The following NLRP1 variants were observed in gnomAD, a reference collection of about 807,000 sequenced individuals.
NLRP1 encodes NLR family pyrin domain containing 1.
A neutral mutation model predicts 136.7 loss-of-function variants in NLRP1; 94 were observed. The observed-to-expected ratio is 0.69, with a 90% CI of 0.58 to 0.82. The LOEUF is 0.82. Among genes scored for constraint, NLRP1 ranks in the 40% least tolerant of loss-of-function variants. NLRP1 has a pLI of 0.00. For synonymous variants in NLRP1, 690 were observed against 725.1 expected, an observed-to-expected ratio of 0.95 and a Z score of 0.78; for missense variants, 1,575 against 1,802.7, an observed-to-expected ratio of 0.87 and a Z score of 2.29.
At chr17:5,574,811 G>A (rs1167218808) in intron 3 of NLRP1, among the ~76,000 whole-genome samples, 6 of 151,774 alleles carry the variant, frequency 4.0e-5, no homozygotes, top group East Asian at 3.9e-4. Flanking sequence ...ATAGGTGCCC[G>A]CCATCACGCC....
chr17:5,542,159 G>A (rs1911947658), intron 5 of NLRP1, 132 bp from the exon 6 acceptor site: 2 of 767,092 alleles, frequency 2.6e-6, no homozygotes, highest in Non-Finnish European at 4.2e-6. Context: ...ACCCTCCCAG[G>A]CCCCAGAAAT....
chr17:5,531,059 TAAC>T (rs1342781121), intron 11 of NLRP1, among the ~76,000 whole-genome samples: 1 of 152,182 alleles, frequency 6.6e-6, no homozygotes, highest in East Asian at 1.9e-4. Flanking sequence ...AATGATGAAA[TAAC>T]AAGTGTTCGT....
intron 11 of NLRP1, among the ~76,000 whole-genome samples, chr17:5,531,093 G>A (rs1910176223): frequency 6.6e-6 from 1 of 152,102 alleles, no homozygotes. Flanking sequence ...GGCCTATTTA[G>A]CAATAATTAA....
rs1017820157 is a variant in NLRP1 at position 5,559,030 on chromosome 17, C to T, written c.1666G>A (p.Ala556Thr). 1 of 1,614,068 alleles carries T rather than the reference C, an allele frequency of 6.2e-7. No homozygotes were observed. Among genetic ancestry groups the T allele is most frequent in the Non-Finnish European group, 8.5e-7 (1 of 1,180,016 alleles). Residue 556 changes from alanine to threonine, a missense_variant, in exon 4 of 17, where the codon GCC (alanine) becomes ACC (threonine). Transcript: ENST00000572272. ...AATGGCTGAGCTTGGAGAGCCTGGG[C>T]AAGGTAATGTAGACAGAGGGTTGTG... is the stretch of plus-strand genomic sequence containing the variant. ...TTTTLCLHYL[A>T]QALQAQPLGP...
chr17:5,515,197 C>T, intron 16 of NLRP1, 124 bp from the exon 17 acceptor site: 2 of 958,308 alleles, frequency 2.1e-6, no homozygotes, highest in Middle Eastern at 2.4e-4. Flanking sequence ...CCTGTGTCCT[C>T]CCTCATGGCA....
chr17:5,548,196 C>T lies in NLRP1; in HGVS notation c.2528+5190G>A, dbSNP rs573558773. Among the ~76,000 whole-genome samples, 11 of 152,306 alleles carry T rather than the reference C, an allele frequency of 7.2e-5. No homozygotes were observed. The South Asian group carries it at 2.3e-3, about 32-fold the overall frequency. On this transcript the variant is annotated intron_variant, in intron 5 of 16. Transcript: ENST00000572272. ...CTTGCCTTTTCCAAACATCCAACACCTCAACCCTCACACTCACTCCTAGCA... is the reference window on the plus strand; with the variant it reads ...CTTGCCTTTTCCAAACATCCAACACTTCAACCCTCACACTCACTCCTAGCA...
chr17:5,521,408 C>T, intron 13 of NLRP1, 116 bp downstream of exon 13: 1 of 1,091,768 alleles, frequency 9.2e-7, no homozygotes, highest in East Asian at 2.4e-5. Context: ...CAAGGTTCTC[C>T]TGTACAAGAG....
intron 12 of NLRP1, among the ~76,000 whole-genome samples, chr17:5,526,928 C>T (rs1012649387): frequency 5.9e-5 from 9 of 152,180 alleles, no homozygotes; most frequent in Non-Finnish European, 8.8e-5. Context: ...ACTCATCACC[C>T]GTTCAGCGAC....
At chr17:5,530,789 G>C (rs1910139215) in intron 11 of NLRP1, 85 bp from the exon 12 acceptor site, 21 of 1,028,384 alleles carry the variant, frequency 2.0e-5, no homozygotes, top group South Asian at 1.9e-4. Flanking sequence ...AGGGGCTTGC[G>C]GATACGGTAC....
At chr17:5,520,733 G>T in intron 14 of NLRP1, 148 bp downstream of exon 14, 1 of 702,730 alleles carries the variant, frequency 1.4e-6, no homozygotes, top group Non-Finnish European at 2.2e-6. Context: ...AGTCTTGGAA[G>T]CATTCCCACT....
intron 6 of NLRP1, among the ~76,000 whole-genome samples, chr17:5,540,680 T>C (rs1911755845): frequency 6.6e-6 from 1 of 152,184 alleles, no homozygotes. Context: ...GGATTAAATC[T>C]GACAAGTGTT....
chr17:5,581,005 GGC>G (rs1905578496), intron 3 of NLRP1, among the ~76,000 whole-genome samples: 1 of 152,086 alleles, frequency 6.6e-6, no homozygotes, highest in African/African-American at 2.4e-5. Context: ...TTTTTTGAAT[GGC>G]AAGTGGTGTG....
downstream of NLRP1, chr17:5,512,434 G>A (rs546924328): frequency 1.6e-3 from 1,285 of 810,610 alleles, 8 homozygotes; most frequent in Middle Eastern, 9.9e-3. Flanking sequence ...AGGGCAATCC[G>A]CAATTCCACG....
rs1006424370 is a variant in NLRP1 at position 5,583,805 on chromosome 17, C to T, written c.153G>A (p.Met51Ile). ...GAGCCACCAGGTACGAGGCCACCTCCATGCCACTCGTCTTCTCTGGCTGAG... is the reference window on the plus strand; with the variant it reads ...GAGCCACCAGGTACGAGGCCACCTCTATGCCACTCGTCTTCTCTGGCTGAG... ...TPAQPEKTSG[M>I]EVASYLVAQY... is the part of the protein sequence containing the mutation. The change falls in exon 1 of 17, where the codon ATG (methionine) becomes ATA (isoleucine). Residue 51 changes from methionine to isoleucine, a missense_variant. Physicochemically the swap from Met to Ile is conservative, Grantham distance 10. Transcript: ENST00000572272. This position sits in a 1 kb window ranked among gnomAD's most constrained non-coding sequence, Gnocchi z 4.5. The T allele has an allele frequency of 1.3e-6, 2 of 1,559,118 alleles. No homozygotes were observed. Among genetic ancestry groups the T allele is most frequent in the African/African-American group, 2.7e-5 (2 of 73,678 alleles).
chr17:5,513,033 T>C (rs919238650), downstream of NLRP1, among the ~76,000 whole-genome samples: 2 of 152,218 alleles, frequency 1.3e-5, no homozygotes, highest in African/African-American at 4.8e-5. Context: ...AGCTTATACC[T>C]TGTGATACAG....
chr17:5,542,742 T>TC (rs1377486509), intron 5 of NLRP1, among the ~76,000 whole-genome samples: 1 of 105,754 alleles, frequency 9.5e-6, no homozygotes, highest in Non-Finnish European at 1.8e-5. Context: ...CTCTCCTTCC[T>TC]TCCTTCCTTC....
intron 3 of NLRP1, among the ~76,000 whole-genome samples, chr17:5,561,657 A>C (rs1914770661): frequency 2.2e-5 from 1 of 44,684 alleles, no homozygotes; most frequent in Non-Finnish European, 5.2e-5. Flanking sequence ...GTTAGCCAGG[A>C]TGGTCTCGAT....
rs115359272 is a variant in NLRP1 at position 5,518,372 on chromosome 17, G to C, written c.3916-485C>G. ...ATAGGACCATCCACTGAGCATGCAGGCTCCAAACTCGGAATCATGCTTAAG... is the reference window on the plus strand; with the variant it reads ...ATAGGACCATCCACTGAGCATGCAGCCTCCAAACTCGGAATCATGCTTAAG... On this transcript the variant is annotated intron_variant, in intron 14 of 16. Transcript: ENST00000572272. 8.2e-3 allele frequency: 1,269 copies of C among 154,120 alleles called. 8 individuals carry two copies. The highest frequency in any genetic ancestry group is 0.034 in the Middle Eastern group (10 of 298). The allele number at this position is 154,120 out of a possible 1,614,324, so 9.5% of individuals were successfully genotyped here. A position where few individuals can be genotyped will look rare whatever the true frequency, so the allele number is the denominator to read the frequency against.
chr17:5,519,694 C>T (rs1380591287), intron 14 of NLRP1, among the ~76,000 whole-genome samples: 7 of 152,028 alleles, frequency 4.6e-5, no homozygotes, highest in South Asian at 4.2e-4. Context: ...GTGATCCACC[C>T]GCCTTGGTCT....
Sources: gnomAD v4.1 joint callset for allele counts (sites outside exome capture counted in the v4.1 genomes callset) on GRCh38, gnomAD v4.1.1 for gene constraint, Gnocchi (gnomAD v3.1) non-coding constraint, MANE v1.5 for transcripts, NCBI Gene and HGNC (gene_info 2026-07-23, HGNC 2026-07-21) for gene names.